Variants in RFX7 observed in about 807,000 individuals in gnomAD.
The protein encoded by RFX7 is DNA-binding protein RFX7.
RFX7 carries 26 observed loss-of-function variants against 111.8 expected under a neutral mutation model. The ratio of observed to expected loss-of-function variants is 0.23; its 90% CI spans 0.17 to 0.32. RFX7 has a LOEUF of 0.32. Among genes scored for constraint, RFX7 ranks in the 10% least tolerant of loss-of-function variants. The pLI, the probability that RFX7 is intolerant of heterozygous loss-of-function variation, is 1.00. For missense variants in RFX7, 1,573 were observed against 1,772.9 expected, an observed-to-expected ratio of 0.89 and a Z score of 2.02; for synonymous variants, 624 against 624.4, an observed-to-expected ratio of 1.00 and a Z score of 0.01.
At chr15:56,152,945 A>C (rs540262640) in intron 3 of RFX7, among the ~76,000 whole-genome samples, 3 of 152,184 alleles carry the variant, frequency 2.0e-5, no homozygotes, top group Non-Finnish European at 4.4e-5. Flanking sequence ...TATGCAAATA[A>C]ACTGGAAAAT....
chr15:56,154,144 A>C (rs2042616926), intron 3 of RFX7, among the ~76,000 whole-genome samples: 1 of 152,214 alleles, frequency 6.6e-6, no homozygotes, highest in South Asian at 2.1e-4. Flanking sequence ...ACACAAACAA[A>C]AGGAAAAATA....
chr15:56,148,036 G>A (rs1251830249), intron 3 of RFX7, among the ~76,000 whole-genome samples: 4 of 152,196 alleles, frequency 2.6e-5, no homozygotes, highest in Non-Finnish European at 5.9e-5. Flanking sequence ...TTCAAATTTA[G>A]GCAGAACCTC....
Position 56,239,097 on chromosome 15 carries a change from G to C in RFX7, c.161+4028C>G, listed in dbSNP as rs28538193. Among the ~76,000 whole-genome samples the C allele has an allele frequency of 4.5e-3, 678 of 152,188 alleles. 7 individuals are homozygous for C. Among genetic ancestry groups the C allele is most frequent in the African/African-American group, 0.016 (654 of 41,516 alleles). ...AATCTGCCCACCTTGACCTCCCAAA[G>C]TGTTAGGATTACAGGCGTGAGCCAC... is the stretch of plus-strand genomic sequence containing the variant. On this transcript the variant is annotated intron_variant, in intron 2 of 9. Transcript: ENST00000559447.
At chr15:56,106,790 A>G (rs541943258) in intron 5 of RFX7, among the ~76,000 whole-genome samples, 33 of 152,264 alleles carry the variant, frequency 2.2e-4, no homozygotes, top group South Asian at 4.1e-4. Flanking sequence ...TATTTATTCA[A>G]TTTTGTCCTA....
At chr15:56,202,939 T>C (rs1331878420) in intron 2 of RFX7, among the ~76,000 whole-genome samples, 2 of 152,100 alleles carry the variant, frequency 1.3e-5, no homozygotes, top group Non-Finnish European at 2.9e-5. Context: ...TTGGGTAGAG[T>C]GCCATCAATC....
chr15:56,161,334 A>G (rs1247382109), intron 3 of RFX7, among the ~76,000 whole-genome samples: 1 of 152,044 alleles, frequency 6.6e-6, no homozygotes, highest in Non-Finnish European at 1.5e-5. Context: ...CAATATTAAG[A>G]AGCCCCAAGG....
At chr15:56,225,958 C>A (rs2043478770) in intron 2 of RFX7, among the ~76,000 whole-genome samples, 1 of 151,842 alleles carries the variant, frequency 6.6e-6, no homozygotes, top group Admixed American at 6.6e-5. Context: ...TAACTATTTT[C>A]TTTTATGATG....
chr15:56,134,356 C>T (rs867644292), intron 5 of RFX7, among the ~76,000 whole-genome samples: 73 of 152,220 alleles, frequency 4.8e-4, no homozygotes, highest in African/African-American at 1.6e-3. Flanking sequence ...TTAGTGCCTA[C>T]TATGTGGAAA....
At chr15:56,178,366 G>C (rs1427092812) in intron 3 of RFX7, among the ~76,000 whole-genome samples, 2 of 151,944 alleles carry the variant, frequency 1.3e-5, no homozygotes, top group Admixed American at 6.6e-5. Flanking sequence ...AGAATAATAA[G>C]CTAATAATAA....
intron 5 of RFX7, among the ~76,000 whole-genome samples, chr15:56,113,881 C>T (rs562448326): frequency 9.2e-5 from 14 of 152,144 alleles, no homozygotes; most frequent in Admixed American, 8.5e-4. Context: ...TGGGAGGTCC[C>T]AAAGACATGG....
At chr15:56,187,351 C>G (rs2043052290) in intron 2 of RFX7, among the ~76,000 whole-genome samples, 1 of 151,906 alleles carries the variant, frequency 6.6e-6, no homozygotes, top group Non-Finnish European at 1.5e-5. Context: ...GCTGGGATTA[C>G]AGGCGCATGT....
intron 5 of RFX7, among the ~76,000 whole-genome samples, chr15:56,111,633 A>C (rs2041932830): frequency 6.7e-6 from 1 of 149,830 alleles, no homozygotes; most frequent in South Asian, 2.2e-4. Context: ...GAAACACCCA[A>C]GAATGATCAA....
chr15:56,141,601 C>T lies in RFX7; in HGVS notation c.401+1177G>A, dbSNP rs191085559. 9.2e-4 allele frequency among the ~76,000 whole-genome samples: 127 copies of T among 138,458 alleles called. 1 individual carries two copies. The highest frequency in any genetic ancestry group is 5.6e-3 in the East Asian group (26 of 4,640). 90.8% of individuals were successfully genotyped at this position (138,458 alleles called of 152,430 possible). A position where few individuals can be genotyped will look rare whatever the true frequency, so the allele number is the denominator to read the frequency against. The stretch of plus-strand genomic sequence containing the variant: ...ATTCAAATTTGCTTCTTTGAAGTTT[C>T]GGAGGGGTCTATTTTAACTAACTTG... On this transcript the variant is annotated intron_variant, in intron 5 of 9. Coordinates refer to ENST00000559447, the MANE Select transcript of RFX7 (RefSeq NM_022841.7).
intron 3 of RFX7, among the ~76,000 whole-genome samples, chr15:56,145,966 A>G (rs1178148789): frequency 2.0e-5 from 3 of 152,236 alleles, no homozygotes; most frequent in Non-Finnish European, 2.9e-5. Context: ...TGAACAACAC[A>G]CCACCACCAC....
At chr15:56,109,737 C>A (rs2041885618) in intron 5 of RFX7, among the ~76,000 whole-genome samples, 1 of 151,746 alleles carries the variant, frequency 6.6e-6, no homozygotes, top group South Asian at 2.1e-4. Flanking sequence ...GCCCGGCCGC[C>A]CCGTCTGAGA....
intron 3 of RFX7, among the ~76,000 whole-genome samples, chr15:56,147,843 G>T (rs2042503739): frequency 6.6e-6 from 1 of 152,204 alleles, no homozygotes; most frequent in African/African-American, 2.4e-5. Flanking sequence ...AAAGTGCTGG[G>T]ATTACAGGCG....
chr15:56,150,376 C>T (rs1239390962), intron 3 of RFX7, among the ~76,000 whole-genome samples: 2 of 152,204 alleles, frequency 1.3e-5, no homozygotes, highest in African/African-American at 4.8e-5. Context: ...AGACACCTCC[C>T]AGATGGGGCC....
At chr15:56,119,053 T>C (rs958904481) in intron 5 of RFX7, among the ~76,000 whole-genome samples, 1 of 152,234 alleles carries the variant, frequency 6.6e-6, no homozygotes, top group East Asian at 1.9e-4. Context: ...TTTTTTTCTA[T>C]AGAGTTGTTT....
At position 56,141,888 on chromosome 15, in the gene RFX7, T is replaced by G. The variant is rs2042404357; in HGVS notation, c.401+890A>C. The stretch of plus-strand genomic sequence containing the variant: ...ACTTTGTTCTCTTGATCATTTCAGA[T>G]ATTTTTATCTAGACTTTCTTCTAGC... On this transcript the variant is annotated intron_variant, in intron 5 of 9. Coordinates refer to ENST00000559447, the MANE Select transcript of RFX7 (RefSeq NM_022841.7). Among the ~76,000 whole-genome samples, 3 of 152,020 alleles carry G rather than the reference T, an allele frequency of 2.0e-5. No homozygotes were observed. In the South Asian group the frequency reaches 6.2e-4, roughly 32 times the overall value.
Sources: gnomAD v4.1 joint callset for allele counts (sites outside exome capture counted in the v4.1 genomes callset) on GRCh38, gnomAD v4.1.1 for gene constraint, MANE v1.5 for transcripts, NCBI Gene and HGNC (gene_info 2026-07-23, HGNC 2026-07-21) for gene names.